Variants in CLSTN2 observed in about 807,000 individuals in gnomAD.
The protein encoded by CLSTN2 is calsyntenin 2, also known as calsyntenin-2.
CLSTN2 carries 48 observed loss-of-function variants against 101.2 expected under a neutral mutation model. The ratio of observed to expected loss-of-function variants is 0.47; its 90% CI spans 0.38 to 0.60. CLSTN2 has a LOEUF of 0.60. Ranked by LOEUF, CLSTN2 falls within the 20% of genes least tolerant of loss-of-function variation. The pLI is 0.00. For synonymous variants in CLSTN2, 481 were observed against 463.6 expected (o/e 1.04, Z -0.48); for missense variants, 1,160 against 1,238.2 (o/e 0.94, Z 0.95).
intron 2 of CLSTN2, among the ~76,000 whole-genome samples, chr3:140,322,919 G>A (rs2087297459): frequency 6.6e-6 from 1 of 152,170 alleles, no homozygotes; most frequent in Admixed American, 6.5e-5. Flanking sequence ...AAATCTAAGG[G>A]AGAAATAAAA....
Position 140,570,646 on chromosome 3 carries a change from A to C in CLSTN2, c.*4393A>C, listed in dbSNP as rs995365073. On this transcript the variant is annotated 3_prime_UTR_variant, in exon 17 of 17. Transcript: ENST00000458420. ...AGTTTCCATAAAACAATTTAAAAAC[A>C]CTAAAAAAGCAGGCAGTTTGGATTT... The C allele has an allele frequency of 1.1e-4, 17 of 152,322 alleles. No individual in the cohort carries two copies. The highest frequency in any genetic ancestry group is 9.8e-4 in the Admixed American group (15 of 15,308). The allele number at this position is 152,322 out of a possible 1,614,324, so 9.4% of individuals were successfully genotyped here.
At chr3:140,393,632 T>G (rs1305118228) in intron 2 of CLSTN2, among the ~76,000 whole-genome samples, 1 of 152,214 alleles carries the variant, frequency 6.6e-6, no homozygotes, top group Non-Finnish European at 1.5e-5. Context: ...GGTGTTTCAA[T>G]GTCTATTATT....
chr3:140,175,921 C>A, intron 1 of CLSTN2, 30 bp from the exon 2 acceptor site: 2 of 1,595,620 alleles, frequency 1.3e-6, no homozygotes, highest in South Asian at 1.1e-5. Context: ...AAATAATGAT[C>A]CTTTTTGTTT....
chr3:140,109,182 C>G (rs1560097302), intron 1 of CLSTN2, among the ~76,000 whole-genome samples: 2 of 152,074 alleles, frequency 1.3e-5, no homozygotes, highest in Admixed American at 6.5e-5. Flanking sequence ...TTTCCTTGCC[C>G]CAATGTAACA....
chr3:140,136,688 G>C (rs2009621108), intron 1 of CLSTN2, among the ~76,000 whole-genome samples: 2 of 152,200 alleles, frequency 1.3e-5, no homozygotes, highest in African/African-American at 4.8e-5. Flanking sequence ...TTCTTCACCT[G>C]TAAAAGATGG....
At chr3:140,033,256 C>A (rs542410824) in intron 1 of CLSTN2, among the ~76,000 whole-genome samples, 32 of 152,244 alleles carry the variant, frequency 2.1e-4, no homozygotes, top group Middle Eastern at 3.4e-3. Context: ...AGGATCAACC[C>A]GCTTCATTAG....
intron 8 of CLSTN2, among the ~76,000 whole-genome samples, chr3:140,491,135 G>A (rs1292376519): frequency 6.6e-6 from 1 of 152,168 alleles, no homozygotes; most frequent in Non-Finnish European, 1.5e-5. Context: ...ACCAAATCAA[G>A]TGTTAATTTG....
intron 2 of CLSTN2, among the ~76,000 whole-genome samples, chr3:140,329,585 C>G (rs2087362379): frequency 6.6e-6 from 1 of 151,946 alleles, no homozygotes; most frequent in Non-Finnish European, 1.5e-5. Flanking sequence ...GCATGTGACA[C>G]ATCTTGAATT....
chr3:140,195,594 C>A (rs1486223571), intron 2 of CLSTN2, among the ~76,000 whole-genome samples: 1 of 152,078 alleles, frequency 6.6e-6, no homozygotes, highest in African/African-American at 2.4e-5. Context: ...CCCAAGGCTG[C>A]CAGATCTTGT....
At chr3:140,003,562 C>G (rs2006891524) in intron 1 of CLSTN2, among the ~76,000 whole-genome samples, 1 of 152,108 alleles carries the variant, frequency 6.6e-6, no homozygotes, top group South Asian at 2.1e-4. Context: ...ACTTCCAGTA[C>G]TATGTTGAAT....
intron 1 of CLSTN2, among the ~76,000 whole-genome samples, chr3:140,045,163 AC>A (rs1310974814): frequency 2.6e-5 from 4 of 152,012 alleles, no homozygotes; most frequent in African/African-American, 4.8e-5. Flanking sequence ...CTGGTCCTGG[AC>A]TTTTTTTGGT....
chr3:140,353,242 C>CAT (rs34831776), intron 2 of CLSTN2, among the ~76,000 whole-genome samples: 5,326 of 146,674 alleles, frequency 0.036, 121 homozygotes, highest in South Asian at 0.082. Context: ...TATGTTTACA[C>CAT]ATATATATAT....
intron 1 of CLSTN2, 150 bp from the exon 2 acceptor site, chr3:140,175,801 G>C: frequency 1.3e-6 from 1 of 759,496 alleles, no homozygotes; most frequent in South Asian, 2.4e-5. Context: ...GCTTTTCTGG[G>C]TTTAAAATGG....
chr3:140,170,915 G>A (rs1268463687), intron 1 of CLSTN2, among the ~76,000 whole-genome samples: 1 of 152,106 alleles, frequency 6.6e-6, no homozygotes, highest in East Asian at 1.9e-4. Context: ...CTAAGTCAGG[G>A]CTAAAACCAG....
At chr3:140,357,242 T>C (rs1374910591) in intron 2 of CLSTN2, among the ~76,000 whole-genome samples, 1 of 152,196 alleles carries the variant, frequency 6.6e-6, no homozygotes, top group Non-Finnish European at 1.5e-5. Context: ...TATTACCAAT[T>C]ATATTCATTA....
intron 2 of CLSTN2, among the ~76,000 whole-genome samples, chr3:140,366,225 G>T (rs529782032): frequency 6.6e-6 from 1 of 152,308 alleles, no homozygotes; most frequent in African/African-American, 2.4e-5. Context: ...AGAAACTGCT[G>T]GCTAGGATTC....
At chr3:140,332,792 T>C (rs2087398533) in intron 2 of CLSTN2, among the ~76,000 whole-genome samples, 1 of 150,860 alleles carries the variant, frequency 6.6e-6, no homozygotes, top group African/African-American at 2.4e-5. Context: ...AATAGGAGAG[T>C]CAGTTAATGA....
chr3:140,240,301 T>TACAC (rs202168807), intron 2 of CLSTN2, among the ~76,000 whole-genome samples: 3 of 18,810 alleles, frequency 1.6e-4, no homozygotes, highest in South Asian at 9.4e-3. Flanking sequence ...CACATATATA[T>TACAC]ATATACACAC....
At chr3:140,433,565 G>T (rs1022770907) in intron 5 of CLSTN2, among the ~76,000 whole-genome samples, 1 of 152,222 alleles carries the variant, frequency 6.6e-6, no homozygotes, top group African/African-American at 2.4e-5. Flanking sequence ...AGAGGATACA[G>T]CTTCAGAGTG....
Sources: allele counts gnomAD v4.1 joint callset (sites outside exome capture counted in the v4.1 genomes callset), GRCh38; gene constraint gnomAD v4.1.1; transcripts MANE v1.5; gene names NCBI Gene and HGNC (gene_info 2026-07-23, HGNC 2026-07-21).